The following SPOCK3 variants were observed in gnomAD, a reference collection of about 807,000 sequenced individuals.
SPOCK3 encodes the protein SPARC (osteonectin), cwcv and kazal like domains proteoglycan 3.
SPOCK3 carries 30 observed loss-of-function variants against 56.6 expected under a neutral mutation model. That is an observed-to-expected ratio of 0.53 (90% CI 0.40 to 0.72). The LOEUF (loss-of-function observed/expected upper bound fraction) is 0.72. Ranked by LOEUF, SPOCK3 falls within the 30% of genes least tolerant of loss-of-function variation. SPOCK3 has a pLI of 0.00. For synonymous variants in SPOCK3, 196 were observed against 183.3 expected (o/e 1.07, Z -0.56); for missense variants, 527 against 530.0 (o/e 0.99, Z 0.06).
At chr4:167,136,150 A>G (rs536969170) in intron 2 of SPOCK3, among the ~76,000 whole-genome samples, 1 of 152,196 alleles carries the variant, frequency 6.6e-6, no homozygotes, top group East Asian at 1.9e-4. Context: ...ACCCCAAATC[A>G]GGAGGTTCAG....
chr4:167,224,761 G>A (rs1047818512), intron 2 of SPOCK3, among the ~76,000 whole-genome samples: 4 of 152,048 alleles, frequency 2.6e-5, no homozygotes, highest in African/African-American at 7.3e-5. Context: ...CCTGGTTCAA[G>A]CGATTCTCTT....
intron 4 of SPOCK3, among the ~76,000 whole-genome samples, chr4:166,931,909 G>C (rs1283766109): frequency 6.6e-6 from 1 of 152,196 alleles, no homozygotes; most frequent in East Asian, 1.9e-4. Context: ...ATTACTCTTG[G>C]TATTTTAGGT....
intron 6 of SPOCK3, among the ~76,000 whole-genome samples, chr4:166,808,838 G>T (rs1008554822): frequency 6.6e-6 from 1 of 151,990 alleles, no homozygotes; most frequent in East Asian, 1.9e-4. Flanking sequence ...AATTGGATGG[G>T]TTCTCATGGA....
intron 8 of SPOCK3, among the ~76,000 whole-genome samples, chr4:166,753,599 T>C (rs1736699191): frequency 6.6e-6 from 1 of 152,034 alleles, no homozygotes. Flanking sequence ...AACTACCCCA[T>C]ATAATGTGCT....
At chr4:167,215,436 A>T (rs2111060200) in intron 2 of SPOCK3, among the ~76,000 whole-genome samples, 1 of 152,266 alleles carries the variant, frequency 6.6e-6, no homozygotes, top group South Asian at 2.1e-4. Context: ...TGACTATAGT[A>T]ATCATGGAAG....
intron 2 of SPOCK3, among the ~76,000 whole-genome samples, chr4:167,064,476 T>C (rs963586329): frequency 6.6e-6 from 1 of 151,870 alleles, no homozygotes; most frequent in Admixed American, 6.6e-5. Context: ...ATTACTCCAC[T>C]AAATGTCTCA....
chr4:167,017,797 C>T (rs1318672087), intron 3 of SPOCK3, among the ~76,000 whole-genome samples: 1 of 151,960 alleles, frequency 6.6e-6, no homozygotes, highest in Non-Finnish European at 1.5e-5. Context: ...CAGCTTTCAA[C>T]ACATCTGTAC....
intron 2 of SPOCK3, among the ~76,000 whole-genome samples, chr4:167,158,565 TA>T (rs1304650067): frequency 6.6e-6 from 1 of 151,930 alleles, no homozygotes; most frequent in Non-Finnish European, 1.5e-5. Flanking sequence ...ACCAAGTAAA[TA>T]ACCTTTGAGA....
intron 2 of SPOCK3, among the ~76,000 whole-genome samples, chr4:167,152,010 A>G (rs1413485288): frequency 1.3e-5 from 2 of 152,160 alleles, no homozygotes; most frequent in African/African-American, 4.8e-5. Context: ...AAACACAACA[A>G]TGAGTCTCTG....
chr4:167,165,452 A>C (rs1765677838), intron 2 of SPOCK3, among the ~76,000 whole-genome samples: 1 of 152,058 alleles, frequency 6.6e-6, no homozygotes, highest in African/African-American at 2.4e-5. Flanking sequence ...CAAATATATG[A>C]AAAAAAGCTT....
chr4:166,874,823 GTAATCCCTAA>G (rs1732909454), intron 6 of SPOCK3, among the ~76,000 whole-genome samples: 1 of 152,174 alleles, frequency 6.6e-6, no homozygotes, highest in Non-Finnish European at 1.5e-5. Context: ...ATTGGAAAAA[GTAATCCCTAA>G]AGTAGTAGAA....
At chr4:167,154,690 T>C (rs1561273372) in intron 2 of SPOCK3, among the ~76,000 whole-genome samples, 1 of 152,168 alleles carries the variant, frequency 6.6e-6, no homozygotes, top group East Asian at 1.9e-4. Flanking sequence ...ATTGAAAATT[T>C]CTATCATTTC....
chr4:166,926,073 C>G (rs1214777307), intron 4 of SPOCK3, among the ~76,000 whole-genome samples: 1 of 152,024 alleles, frequency 6.6e-6, no homozygotes, highest in Non-Finnish European at 1.5e-5. Flanking sequence ...TTTTTCAAAG[C>G]TTAGAGAAAT....
intron 6 of SPOCK3, among the ~76,000 whole-genome samples, chr4:166,861,632 T>C (rs1231965040): frequency 2.0e-5 from 3 of 152,128 alleles, no homozygotes; most frequent in Non-Finnish European, 4.4e-5. Context: ...TGTGGCTCTC[T>C]CCAGCCAGGT....
intron 4 of SPOCK3, among the ~76,000 whole-genome samples, chr4:166,944,848 T>C (rs1741526276): frequency 3.9e-5 from 6 of 152,196 alleles, no homozygotes; most frequent in Admixed American, 3.9e-4. Flanking sequence ...GTATTTGTGG[T>C]GGAAGTACTT....
intron 3 of SPOCK3, among the ~76,000 whole-genome samples, chr4:167,010,375 C>T (rs1296369679): frequency 1.4e-4 from 21 of 151,810 alleles, no homozygotes. Context: ...CAAAAATTAG[C>T]TGGGTGTGGT....
chr4:166,744,591 G>A (rs527424445), intron 8 of SPOCK3, among the ~76,000 whole-genome samples: 30 of 152,258 alleles, frequency 2.0e-4, no homozygotes, highest in East Asian at 1.7e-3. Flanking sequence ...CCAAAGGAAC[G>A]CAGCTCCTCA....
intron 4 of SPOCK3, among the ~76,000 whole-genome samples, chr4:166,916,324 C>G (rs1429781829): frequency 6.6e-6 from 1 of 152,018 alleles, no homozygotes. Flanking sequence ...TGCTAGCGTT[C>G]TTTTAGGTGA....
intron 2 of SPOCK3, among the ~76,000 whole-genome samples, chr4:167,230,500 CAAAAAAAA>C (rs35421281): frequency 2.3e-5 from 2 of 85,876 alleles, no homozygotes; most frequent in Non-Finnish European, 5.0e-5. Flanking sequence ...AGCCCCCCAC[CAAAAAAAA>C]AAAAAAAAAA....
Sources: allele counts gnomAD v4.1 joint callset (sites outside exome capture counted in the v4.1 genomes callset), GRCh38; gene constraint gnomAD v4.1.1; transcripts MANE v1.5; gene names NCBI Gene and HGNC (gene_info 2026-07-23, HGNC 2026-07-21).